KCNMA1: variants seen among roughly 807,000 people sequenced by gnomAD.
The protein encoded by KCNMA1 is Calcium-activated potassium channel subunit alpha-1.
Under a neutral mutation model 140.0 loss-of-function variants are expected in KCNMA1, and 29 were observed. The ratio of observed to expected loss-of-function variants is 0.21; its 90% confidence interval spans 0.15 to 0.28. KCNMA1 has a LOEUF of 0.28. Among genes scored for constraint, KCNMA1 ranks in the 10% least tolerant of loss-of-function variants. The probability of loss-of-function intolerance (pLI) is 1.00; values close to 1 mark genes in which losing one functional copy is unlikely to be tolerated. For synonymous variants in KCNMA1, 612 were observed against 611.9 expected, an observed-to-expected ratio of 1.00 and a Z score of 0.00; for missense variants, 880 against 1,602.2, an observed-to-expected ratio of 0.55 and a Z score of 7.70.
chr10:77,290,035 G>A (rs989870615), intron 2 of KCNMA1, among the ~76,000 whole-genome samples: 3 of 152,208 alleles, frequency 2.0e-5, no homozygotes, highest in Middle Eastern at 3.2e-3. Flanking sequence ...GTTAGAGATG[G>A]AAGGAGGCGG....
intron 1 of KCNMA1, among the ~76,000 whole-genome samples, chr10:77,470,640 G>A (rs1285823951): frequency 6.6e-6 from 1 of 152,168 alleles, no homozygotes; most frequent in East Asian, 1.9e-4. Context: ...GCAGAAAGAA[G>A]GCACTTGACC....
intron 2 of KCNMA1, among the ~76,000 whole-genome samples, chr10:77,255,489 A>G (rs899850306): frequency 6.6e-6 from 1 of 152,130 alleles, no homozygotes; most frequent in Non-Finnish European, 1.5e-5. Context: ...AGTCCCAGCT[A>G]CTTGGGAAGT....
chr10:77,586,923 T>G lies in KCNMA1; in HGVS notation c.378+50342A>C, dbSNP rs115472886. 467 of 152,338 alleles carry G rather than the reference T, an allele frequency of 3.1e-3. 2 individuals carry two copies. The highest frequency in any genetic ancestry group is 0.01 in the African/African-American group (430 of 41,576). The allele number at this position is 152,338 out of a possible 1,614,324, so 9.4% of individuals were successfully genotyped here. A position where few individuals can be genotyped will look rare whatever the true frequency, so the allele number is the denominator to read the frequency against. On this transcript the variant is annotated intron_variant, in intron 1 of 27. Coordinates refer to ENST00000286628, the MANE Select transcript of KCNMA1 (RefSeq NM_001161352.2). ...TTTCCATTACATACAGCCTAAGAATTTTCTACTCCAGCTAGAAAGAGCTCT... is the reference window on the plus strand; with the variant it reads ...TTTCCATTACATACAGCCTAAGAATGTTCTACTCCAGCTAGAAAGAGCTCT...
intron 5 of KCNMA1, among the ~76,000 whole-genome samples, chr10:77,132,611 G>A (rs1199744635): frequency 2.0e-5 from 3 of 148,662 alleles, no homozygotes; most frequent in Admixed American, 6.8e-5. Context: ...TGCAAGCTCC[G>A]CCCCACGGCC....
intron 5 of KCNMA1, among the ~76,000 whole-genome samples, chr10:77,171,298 C>G (rs2098703134): frequency 6.6e-6 from 1 of 152,008 alleles, no homozygotes; most frequent in East Asian, 1.9e-4. Context: ...ACTGGTCTAT[C>G]TAGAATACAT....
At position 77,565,913 on chromosome 10, in the gene KCNMA1, C is replaced by T. The variant is rs75707631; in HGVS notation, c.378+71352G>A. ...CACCTCCCCACAGCCCTAACGCTCTCACCAGGGACACACAGAACAAGCCAG... is the reference window on the plus strand; with the variant it reads ...CACCTCCCCACAGCCCTAACGCTCTTACCAGGGACACACAGAACAAGCCAG... On this transcript the variant is annotated intron_variant, in intron 1 of 27. Coordinates refer to ENST00000286628, the MANE Select transcript of KCNMA1 (RefSeq NM_001161352.2). Among the ~76,000 whole-genome samples, 99 of 152,274 alleles carry T rather than the reference C, an allele frequency of 6.5e-4. 1 individual carries two copies. In the East Asian group the frequency reaches 0.016, roughly 25 times the overall value.
At chr10:77,382,885 A>AAAAT (rs1555265196) in intron 2 of KCNMA1, among the ~76,000 whole-genome samples, 1 of 91,298 alleles carries the variant, frequency 1.1e-5, no homozygotes, top group Admixed American at 1.4e-4. Flanking sequence ...AAAAAAAAAA[A>AAAAT]ATATATATAT....
At chr10:77,059,795 G>T (rs1430720844) in intron 14 of KCNMA1, among the ~76,000 whole-genome samples, 2 of 152,064 alleles carry the variant, frequency 1.3e-5, no homozygotes, top group Non-Finnish European at 2.9e-5. Context: ...CTTGAAGACA[G>T]GTGACAAAGA....
At chr10:77,309,178 T>C (rs2078613085) in intron 2 of KCNMA1, among the ~76,000 whole-genome samples, 1 of 152,144 alleles carries the variant, frequency 6.6e-6, no homozygotes, top group East Asian at 1.9e-4. Flanking sequence ...CAACTTTCCT[T>C]AAGAAGAATT....
At chr10:77,534,874 C>A (rs2058508329) in intron 1 of KCNMA1, among the ~76,000 whole-genome samples, 1 of 152,188 alleles carries the variant, frequency 6.6e-6, no homozygotes, top group South Asian at 2.1e-4. Context: ...CCATTTACAG[C>A]TATAACCTAC....
intron 9 of KCNMA1, among the ~76,000 whole-genome samples, chr10:77,104,089 C>T (rs138584924): frequency 1.3e-5 from 2 of 152,328 alleles, no homozygotes; most frequent in African/African-American, 4.8e-5. Flanking sequence ...GTTACTTAAC[C>T]TCCCTGTTCC....
At chr10:77,231,859 G>T (rs931208480) in intron 3 of KCNMA1, among the ~76,000 whole-genome samples, 11 of 152,096 alleles carry the variant, frequency 7.2e-5, no homozygotes, top group Non-Finnish European at 2.9e-5. Flanking sequence ...ACCCATTTGA[G>T]GTTTAAAATT....
chr10:77,331,846 C>A (rs912875939), intron 2 of KCNMA1, among the ~76,000 whole-genome samples: 5 of 152,000 alleles, frequency 3.3e-5, no homozygotes, highest in African/African-American at 1.2e-4. Flanking sequence ...AAATAGGTAA[C>A]CTGTCCCCTG....
chr10:77,545,804 C>T (rs533067546), intron 1 of KCNMA1, among the ~76,000 whole-genome samples: 11 of 152,304 alleles, frequency 7.2e-5, no homozygotes, highest in South Asian at 6.2e-4. Context: ...CATGGCCTCA[C>T]GCCTGGGAAA....
chr10:77,454,286 C>T (rs561463915), intron 1 of KCNMA1, among the ~76,000 whole-genome samples: 3 of 152,222 alleles, frequency 2.0e-5, no homozygotes, highest in South Asian at 4.2e-4. Flanking sequence ...CCCTCTGGTC[C>T]TAGAAATGCA....
At chr10:77,527,087 G>A (rs963929586) in intron 1 of KCNMA1, among the ~76,000 whole-genome samples, 1 of 152,222 alleles carries the variant, frequency 6.6e-6, no homozygotes, top group Admixed American at 6.5e-5. Flanking sequence ...TTTAAGACAA[G>A]GCCCACTGTT....
intron 2 of KCNMA1, among the ~76,000 whole-genome samples, chr10:77,252,616 A>C (rs77163537): frequency 0.028 from 4,251 of 151,180 alleles, 211 homozygotes; most frequent in East Asian, 0.22. Context: ...ACACCCACCC[A>C]CACACACACA....
chr10:77,607,522 C>T (rs1436817894), intron 1 of KCNMA1, among the ~76,000 whole-genome samples: 1 of 152,038 alleles, frequency 6.6e-6, no homozygotes, highest in African/African-American at 2.4e-5. Context: ...CAGGTGGGCC[C>T]TAAATGCAAT....
chr10:76,895,631 T>C (rs1056769550), intron 25 of KCNMA1, among the ~76,000 whole-genome samples: 1 of 152,304 alleles, frequency 6.6e-6, no homozygotes, highest in African/African-American at 2.4e-5. Flanking sequence ...CAATGATACA[T>C]GCTACAACAT....
Sources: allele counts gnomAD v4.1 joint callset (sites outside exome capture counted in the v4.1 genomes callset), GRCh38; gene constraint gnomAD v4.1.1; transcripts MANE v1.5; gene names NCBI Gene and HGNC (gene_info 2026-07-23, HGNC 2026-07-21).